Variants in ROBO1 observed in about 807,000 individuals in gnomAD.
ROBO1 encodes roundabout guidance receptor 1.
A neutral mutation model predicts 195.9 loss-of-function variants in ROBO1; 149 were observed. That is an observed-to-expected ratio of 0.76 (90% CI 0.67 to 0.87). The LOEUF is 0.87. Ranked by LOEUF, ROBO1 falls within the 40% of genes least tolerant of loss-of-function variation. The pLI is 0.00. For synonymous variants in ROBO1, 816 were observed against 733.2 expected, an observed-to-expected ratio of 1.11 and a Z score of -1.82; for missense variants, 1,933 against 2,068.3, an observed-to-expected ratio of 0.93 and a Z score of 1.27.
intron 1 of ROBO1, among the ~76,000 whole-genome samples, chr3:79,762,711 C>A (rs1463402267): frequency 6.6e-6 from 1 of 151,796 alleles, no homozygotes; most frequent in Non-Finnish European, 1.5e-5. Flanking sequence ...ATTCTGAAGA[C>A]TGAAAAGAAG....
intron 10 of ROBO1, among the ~76,000 whole-genome samples, chr3:78,679,530 A>G (rs560102478): frequency 2.0e-5 from 3 of 152,310 alleles, no homozygotes; most frequent in African/African-American, 7.2e-5. Flanking sequence ...TTATACACCA[A>G]TAACAGACAA....
intron 4 of ROBO1, among the ~76,000 whole-genome samples, chr3:78,822,602 C>G (rs929590518): frequency 6.6e-6 from 1 of 152,118 alleles, no homozygotes; most frequent in Non-Finnish European, 1.5e-5. Context: ...CATAGGTATA[C>G]CACATATTAT....
rs1394111743 is a variant in ROBO1, at chr3:79,384,403, A to G, written c.88+205421T>C. Among the ~76,000 whole-genome samples, 3 of 151,958 alleles carry G rather than the reference A, an allele frequency of 2.0e-5. No homozygotes were observed. The South Asian group carries it at 6.2e-4, about 32-fold the overall frequency. On this transcript the variant is annotated intron_variant, in intron 2 of 30. Coordinates refer to ENST00000464233, the MANE Select transcript of ROBO1 (RefSeq NM_002941.4). ...ACCTGTTTTATATAAAACCAAATAT[A>G]AGCACTGATGAAAGCAACATGTAAA...
At chr3:78,995,547 T>G (rs904041467) in intron 3 of ROBO1, among the ~76,000 whole-genome samples, 6 of 152,076 alleles carry the variant, frequency 3.9e-5, no homozygotes, top group Non-Finnish European at 8.8e-5. Flanking sequence ...TTTTCCGTTT[T>G]TAAAGTAAAT....
chr3:78,623,754 G>A (rs1704591581), intron 26 of ROBO1, among the ~76,000 whole-genome samples: 1 of 152,152 alleles, frequency 6.6e-6, no homozygotes. Flanking sequence ...TATGGCTGGA[G>A]ATATGTGTAT....
intron 1 of ROBO1, among the ~76,000 whole-genome samples, chr3:79,707,099 G>A (rs1238130177): frequency 6.6e-6 from 1 of 152,042 alleles, no homozygotes; most frequent in African/African-American, 2.4e-5. Context: ...CCTTTGCCTG[G>A]AACTCACCAG....
Position 79,265,774 on chromosome 3 carries a change from A to G in ROBO1, c.89-140235T>C, listed in dbSNP as rs977151510. ...ACTATAAATGTTACCTTTTAGAATA[A>G]TCATGTCATATTTTTTATTTTGTCA... On this transcript the variant is annotated intron_variant, in intron 2 of 30. Coordinates refer to ENST00000464233, the MANE Select transcript of ROBO1 (RefSeq NM_002941.4). Among the ~76,000 whole-genome samples, 13 of 151,528 alleles carry G rather than the reference A, an allele frequency of 8.6e-5. 1 individual carries two copies. Among genetic ancestry groups the G allele is most frequent in the African/African-American group, 1.4e-4 (6 of 41,402 alleles).
intron 2 of ROBO1, among the ~76,000 whole-genome samples, chr3:79,501,717 C>T (rs1174436948): frequency 6.6e-6 from 1 of 152,148 alleles, no homozygotes; most frequent in South Asian, 2.1e-4. Context: ...AAGAAATCTT[C>T]GTAATCCCAT....
chr3:78,622,182 C>G (rs971820526), intron 26 of ROBO1, among the ~76,000 whole-genome samples: 1 of 151,988 alleles, frequency 6.6e-6, no homozygotes, highest in Non-Finnish European at 1.5e-5. Flanking sequence ...CTAGTTTACC[C>G]AGTTTTAGAC....
intron 4 of ROBO1, among the ~76,000 whole-genome samples, chr3:78,936,506 C>G (rs1454113062): frequency 6.6e-6 from 1 of 151,974 alleles, no homozygotes; most frequent in Non-Finnish European, 1.5e-5. Flanking sequence ...TGGAATCAAC[C>G]AATCACAGAT....
chr3:79,387,356 T>G (rs1007111289), intron 2 of ROBO1, among the ~76,000 whole-genome samples: 1 of 151,688 alleles, frequency 6.6e-6, no homozygotes, highest in Non-Finnish European at 1.5e-5. Context: ...AATGGCTATA[T>G]AAAATTTTTA....
chr3:79,499,340 A>T (rs1939929694), intron 2 of ROBO1, among the ~76,000 whole-genome samples: 1 of 152,220 alleles, frequency 6.6e-6, no homozygotes, highest in Non-Finnish European at 1.5e-5. Context: ...AGTCTATCAG[A>T]AATTATAAAG....
chr3:79,513,505 A>G (rs2107549470), intron 2 of ROBO1, among the ~76,000 whole-genome samples: 1 of 152,208 alleles, frequency 6.6e-6, no homozygotes, highest in South Asian at 2.1e-4. Flanking sequence ...TCTTCTCATG[A>G]AAGTTCCCTC....
intron 2 of ROBO1, among the ~76,000 whole-genome samples, chr3:79,163,685 T>C (rs77844432): frequency 0.017 from 2,646 of 152,232 alleles, 57 homozygotes; most frequent in African/African-American, 0.057. Flanking sequence ...TTGCCAACAC[T>C]TGTTTTCAGG....
intron 2 of ROBO1, among the ~76,000 whole-genome samples, chr3:79,228,979 A>G (rs190220028): frequency 2.0e-5 from 3 of 152,308 alleles, no homozygotes; most frequent in South Asian, 2.1e-4. Flanking sequence ...TAACAACAGT[A>G]AAGATGGTCT....
intron 1 of ROBO1, among the ~76,000 whole-genome samples, chr3:79,712,147 C>G (rs1702303047): frequency 6.6e-6 from 1 of 152,076 alleles, no homozygotes; most frequent in African/African-American, 2.4e-5. Flanking sequence ...GGAAGAGTTG[C>G]ATATCTCCCA....
chr3:78,856,901 T>G (rs2106933926), intron 4 of ROBO1, among the ~76,000 whole-genome samples: 1 of 151,604 alleles, frequency 6.6e-6, no homozygotes, highest in African/African-American at 2.4e-5. Context: ...TTATTTTCTC[T>G]AATACTAACA....
chr3:78,860,326 A>ATATATATATATATATATATATATATATTT (rs376853384), intron 4 of ROBO1, among the ~76,000 whole-genome samples: 1 of 93,520 alleles, frequency 1.1e-5, no homozygotes, highest in Non-Finnish European at 2.0e-5. Context: ...ATATATATAT[A>ATATATATATATATATATATATATATATTT]TTTTTTTTTT....
At chr3:79,741,131 C>T (rs962516493) in intron 1 of ROBO1, among the ~76,000 whole-genome samples, 6 of 152,118 alleles carry the variant, frequency 3.9e-5, no homozygotes, top group Admixed American at 6.6e-5. Context: ...GCTCTGTTAC[C>T]GTTCTTTGGA....
Sources: allele counts gnomAD v4.1 joint callset (sites outside exome capture counted in the v4.1 genomes callset), GRCh38; gene constraint gnomAD v4.1.1; transcripts MANE v1.5; gene names NCBI Gene and HGNC (gene_info 2026-07-23, HGNC 2026-07-21).